Variants in FANCA observed in about 807,000 individuals in gnomAD.
The protein encoded by FANCA is Fanconi anemia group A protein.
Under a neutral mutation model 194.3 loss-of-function variants are expected in FANCA, and 236 were observed. The ratio of observed to expected loss-of-function variants is 1.21; its 90% CI spans 1.09 to 1.35. The LOEUF is 1.35. FANCA is among the 40% of genes most tolerant of loss of function. The pLI is 0.00. For missense variants in FANCA, 2,628 were observed against 1,813.9 expected (o/e 1.45, Z -8.15); for synonymous variants, 1,014 against 715.8 (o/e 1.42, Z -6.65).
intron 3 of FANCA, among the ~76,000 whole-genome samples, chr16:89,813,364 C>CA (rs2040977444): frequency 6.6e-6 from 1 of 150,646 alleles, no homozygotes; most frequent in Non-Finnish European, 1.5e-5. Flanking sequence ...GCCGTGATTG[C>CA]ACCACGGCTC....
At chr16:89,740,224 A>C in intron 38 of FANCA, 125 bp from the exon 39 acceptor site, 1 of 852,418 alleles carries the variant, frequency 1.2e-6, no homozygotes, top group South Asian at 1.3e-5. Context: ...AAAACTGGTG[A>C]CAGTTTTACC....
In FANCA at chr16:89,739,225, C is replaced by A. The variant is rs1555533313; in HGVS notation, c.4075G>T (p.Asp1359Tyr). 1 of 1,614,144 alleles carries A rather than the reference C, an allele frequency of 6.2e-7. No individual in the cohort carries two copies. ...REEAFLHVAV[D>Y]MYLKLVQLFV... is the part of the protein sequence containing the mutation. ...AGCTGGACCAGCTTCAAGTACATGT[C>A]CACAGCAACATGCAGGAAGGCCTCT... The change falls in exon 41 of 43, where the codon GAC becomes TAC. Residue 1359 changes from aspartate (D) to tyrosine (Y), a missense_variant. Transcript: ENST00000389301.
intron 32 of FANCA, 77 bp downstream of exon 32, chr16:89,749,653 A>G: frequency 1.3e-6 from 2 of 1,537,134 alleles, no homozygotes; most frequent in Non-Finnish European, 1.8e-6. Flanking sequence ...AACTCACTAC[A>G]AAGAACCTCT....
intron 27 of FANCA, 124 bp from the exon 28 acceptor site, chr16:89,765,190 C>T: frequency 8.6e-7 from 1 of 1,163,338 alleles, no homozygotes; most frequent in East Asian, 2.6e-5. Flanking sequence ...TTCAGAGGAC[C>T]TCAGTCCAGC....
chr16:89,804,291 G>A (rs2040557254), intron 7 of FANCA, among the ~76,000 whole-genome samples: 1 of 152,108 alleles, frequency 6.6e-6, no homozygotes, highest in Non-Finnish European at 1.5e-5. Context: ...TCTCCCAGCA[G>A]GTGTTCCTCA....
chr16:89,803,170 T>C, intron 8 of FANCA, 89 bp downstream of exon 8: 4 of 1,260,314 alleles, frequency 3.2e-6, no homozygotes, highest in Non-Finnish European at 4.7e-6. Flanking sequence ...AAACAGCACG[T>C]TTCAATAGAG....
chr16:89,764,711 C>T, intron 28 of FANCA, 179 bp downstream of exon 28: 1 of 762,636 alleles, frequency 1.3e-6, no homozygotes, highest in East Asian at 2.6e-5. Flanking sequence ...AGACAGTCGG[C>T]ACACGCACCC....
intron 2 of FANCA, 62 bp downstream of exon 2, chr16:89,815,815 T>C (rs2041090800): frequency 1.6e-6 from 2 of 1,270,450 alleles, no homozygotes; most frequent in East Asian, 2.3e-5. Context: ...AGCTGTGCGG[T>C]GGCTGGACTC....
rs1267628463 is a variant in FANCA at position 89,747,996 on chromosome 16, C to G, written c.3348+663G>C. Among the ~76,000 whole-genome samples, 3 of 152,186 alleles carry G rather than the reference C, an allele frequency of 2.0e-5. No individual in the cohort carries two copies. The East Asian group carries it at 5.8e-4, about 29-fold the overall frequency. ...GGTGGGATCTTGGCTCAGTGCAACTCTGCCTCCTGGGCTCAATTACTCCTC... is the reference window on the plus strand; with the variant it reads ...GGTGGGATCTTGGCTCAGTGCAACTGTGCCTCCTGGGCTCAATTACTCCTC... On this transcript the variant is annotated intron_variant, in intron 33 of 42. Coordinates refer to ENST00000389301, the MANE Select transcript of FANCA (RefSeq NM_000135.4).
chr16:89,807,928 G>C (rs1226481785), intron 6 of FANCA, among the ~76,000 whole-genome samples: 22 of 150,380 alleles, frequency 1.5e-4, no homozygotes, highest in Admixed American at 1.5e-3. Context: ...TGTGGTGGCG[G>C]GCGCCTGTAA....
intron 39 of FANCA, 153 bp from the exon 40 acceptor site, chr16:89,739,706 C>G: frequency 1.3e-6 from 2 of 1,502,788 alleles, no homozygotes; most frequent in Non-Finnish European, 1.8e-6. Flanking sequence ...ACCCAGGTAC[C>G]TGTCAGCAGC....
chr16:89,816,417 C>T, intron 1 of FANCA, 120 bp downstream of exon 1: 2 of 914,788 alleles, frequency 2.2e-6, no homozygotes, highest in Non-Finnish European at 3.0e-6. Flanking sequence ...CGCACAGCCC[C>T]CCGGGCGCGG....
intron 37 of FANCA, among the ~76,000 whole-genome samples, chr16:89,741,805 C>G (rs762670932): frequency 6.6e-6 from 1 of 152,146 alleles, no homozygotes; most frequent in South Asian, 2.1e-4. Flanking sequence ...GGCTGTCCCT[C>G]AGCACATGAA....
chr16:89,804,468 A>G (rs192494963), intron 7 of FANCA, among the ~76,000 whole-genome samples: 20 of 152,276 alleles, frequency 1.3e-4, no homozygotes, highest in South Asian at 6.2e-4. Context: ...TGCGCTGAAT[A>G]TAAGTCCTGA....
intron 40 of FANCA, 70 bp from the exon 41 acceptor site, chr16:89,739,359 C>T: frequency 6.2e-7 from 1 of 1,601,178 alleles, no homozygotes; most frequent in Non-Finnish European, 8.5e-7. Context: ...CCAAGGGATA[C>T]TGCTCATCTG....
chr16:89,812,219 G>C (rs918402131), intron 3 of FANCA, among the ~76,000 whole-genome samples: 2 of 151,700 alleles, frequency 1.3e-5, no homozygotes, highest in African/African-American at 4.8e-5. Context: ...GGAGCCTGTA[G>C]TCCCAGCTAC....
intron 14 of FANCA, among the ~76,000 whole-genome samples, chr16:89,790,210 T>A (rs915005898): frequency 4.6e-5 from 7 of 151,698 alleles, no homozygotes; most frequent in Non-Finnish European, 7.4e-5. Flanking sequence ...GAGACCAGCC[T>A]GACCAACATG....
At chr16:89,739,772 A>AG in intron 39 of FANCA, 1 of 1,474,488 alleles carries the variant, frequency 6.8e-7, no homozygotes, top group South Asian at 1.4e-5. Flanking sequence ...GTGCAGAGAG[A>AG]GGCAGTCCCC....
At chr16:89,809,482 G>C (rs1056245098) in intron 5 of FANCA, among the ~76,000 whole-genome samples, 1 of 152,018 alleles carries the variant, frequency 6.6e-6, no homozygotes, top group African/African-American at 2.4e-5. Context: ...GGGAGGCCAA[G>C]ATGGGCAGAT....
Sources: gnomAD v4.1 joint callset for allele counts (sites outside exome capture counted in the v4.1 genomes callset) on GRCh38, gnomAD v4.1.1 for gene constraint, MANE v1.5 for transcripts, NCBI Gene and HGNC (gene_info 2026-07-23, HGNC 2026-07-21) for gene names.